Variants in PTPRD observed in about 807,000 individuals in gnomAD.
The protein encoded by PTPRD is receptor-type tyrosine-protein phosphatase delta.
A neutral mutation model predicts 214.5 loss-of-function variants in PTPRD; 34 were observed. The ratio of observed to expected loss-of-function variants is 0.16; its 90% CI spans 0.12 to 0.21. PTPRD has a LOEUF of 0.21. PTPRD is among the 10% of genes least tolerant of loss of function. The probability of loss-of-function intolerance (pLI) is 1.00; values close to 1 mark genes in which losing one functional copy is unlikely to be tolerated. For synonymous variants in PTPRD, 1,128 were observed against 845.7 expected (o/e 1.33, Z -5.79); for missense variants, 2,545 against 2,398.7 (o/e 1.06, Z -1.27).
Position 10,566,919 on chromosome 9 carries a change from T to C in PTPRD, c.-600+45479A>G, listed in dbSNP as rs566694088. ...GTTTATCCAGCACTATTAAAACATT[T>C]CTTTTCATTTTCACATGACTACCTC... On this transcript the variant is annotated intron_variant, in intron 2 of 45. Coordinates refer to ENST00000381196, the MANE Select transcript of PTPRD (RefSeq NM_002839.4). 7.9e-5 allele frequency among the ~76,000 whole-genome samples: 12 copies of C among 152,196 alleles called. No individual in the cohort carries two copies. In the South Asian group the frequency reaches 2.5e-3, roughly 31 times the overall value.
chr9:9,323,860 G>A (rs555128330), intron 9 of PTPRD, among the ~76,000 whole-genome samples: 2 of 152,216 alleles, frequency 1.3e-5, no homozygotes, highest in South Asian at 2.1e-4. Flanking sequence ...CCCCACAACA[G>A]GCCCTGGTGT....
intron 9 of PTPRD, among the ~76,000 whole-genome samples, chr9:9,371,731 C>T (rs991913166): frequency 6.6e-6 from 1 of 152,124 alleles, no homozygotes; most frequent in African/African-American, 2.4e-5. Context: ...ATCTTTCCTG[C>T]TTTCTCTTGT....
chr9:8,484,056 A>C, intron 30 of PTPRD, 63 bp downstream of exon 30: 1 of 1,541,362 alleles, frequency 6.5e-7, no homozygotes, highest in Non-Finnish European at 8.8e-7. Flanking sequence ...TATAATTTTG[A>C]GATATAATGT....
At chr9:9,026,934 C>G (rs1296979651) in intron 10 of PTPRD, among the ~76,000 whole-genome samples, 1 of 151,588 alleles carries the variant, frequency 6.6e-6, no homozygotes, top group Admixed American at 6.6e-5. Flanking sequence ...AGGAATCTCC[C>G]CAGCCAGAGC....
chr9:9,171,663 C>T (rs1257644543), intron 10 of PTPRD, among the ~76,000 whole-genome samples: 3 of 151,788 alleles, frequency 2.0e-5, no homozygotes, highest in Admixed American at 6.6e-5. Flanking sequence ...AGAGAGACTG[C>T]AGGTAGACAT....
chr9:10,396,362 T>A (rs928424404), intron 2 of PTPRD, among the ~76,000 whole-genome samples: 10 of 152,002 alleles, frequency 6.6e-5, no homozygotes, highest in African/African-American at 2.4e-4. Flanking sequence ...GGGAGCTGGC[T>A]TGGCAATAGA....
chr9:9,528,358 T>C (rs534023992), intron 8 of PTPRD, among the ~76,000 whole-genome samples: 2 of 152,274 alleles, frequency 1.3e-5, no homozygotes, highest in East Asian at 1.9e-4. Context: ...GGCCCCATAA[T>C]ACATAGGACC....
intron 5 of PTPRD, among the ~76,000 whole-genome samples, chr9:9,918,744 T>C (rs2081680671): frequency 6.6e-6 from 1 of 152,088 alleles, no homozygotes; most frequent in African/African-American, 2.4e-5. Flanking sequence ...CAGAAATTAA[T>C]CCACGTATCT....
intron 21 of PTPRD, among the ~76,000 whole-genome samples, chr9:8,509,057 G>A (rs987653728): frequency 1.3e-5 from 2 of 151,984 alleles, no homozygotes; most frequent in Non-Finnish European, 2.9e-5. Context: ...TTGATTTGAT[G>A]CCTCTGGGAG....
chr9:8,764,766 G>C (rs1213172979), intron 11 of PTPRD, among the ~76,000 whole-genome samples: 2 of 151,322 alleles, frequency 1.3e-5, no homozygotes, highest in Admixed American at 1.3e-4. Flanking sequence ...TTGCACTCCA[G>C]GATGGGCAAC....
intron 13 of PTPRD, among the ~76,000 whole-genome samples, chr9:8,636,038 T>A (rs555332085): frequency 1.3e-5 from 2 of 152,208 alleles, no homozygotes; most frequent in Non-Finnish European, 2.9e-5. Context: ...TGTTTGCATG[T>A]GTTTCTTTCA....
intron 5 of PTPRD, among the ~76,000 whole-genome samples, chr9:9,847,831 A>C (rs1197431181): frequency 1.3e-5 from 2 of 152,084 alleles, no homozygotes; most frequent in African/African-American, 4.8e-5. Context: ...CTGGGAAATG[A>C]AAGTGCTTTG....
At chr9:10,294,397 A>G (rs1000906007) in intron 3 of PTPRD, among the ~76,000 whole-genome samples, 1 of 151,980 alleles carries the variant, frequency 6.6e-6, no homozygotes, top group African/African-American at 2.4e-5. Context: ...TACAAGCTAA[A>G]GCATAAAAAC....
At chr9:10,187,629 A>G (rs1651338963) in intron 3 of PTPRD, among the ~76,000 whole-genome samples, 1 of 152,228 alleles carries the variant, frequency 6.6e-6, no homozygotes, top group Admixed American at 6.5e-5. Flanking sequence ...TCGCTCTCCA[A>G]TACTGAAACT....
Position 8,713,688 on chromosome 9 carries a change from C to G in PTPRD, c.64+20092G>C, listed in dbSNP as rs551437280. On this transcript the variant is annotated intron_variant, in intron 12 of 45. Transcript: ENST00000381196. ...GCGCCCGGGCCCACTCCATTCAGAT[C>G]ATGATGGTGGAAGAGATCGCGGCCA... The G allele has an allele frequency of 2.5e-5, 38 of 1,513,822 alleles. No individual in the cohort carries two copies. The South Asian group carries it at 4.2e-4, about 17-fold the overall frequency. The allele number at this position is 1,513,822 out of a possible 1,614,324, so 93.8% of individuals were successfully genotyped here. A position where few individuals can be genotyped will look rare whatever the true frequency, so the allele number is the denominator to read the frequency against.
chr9:10,577,777 T>A (rs1334042279), intron 2 of PTPRD, among the ~76,000 whole-genome samples: 2 of 152,070 alleles, frequency 1.3e-5, no homozygotes, highest in African/African-American at 4.8e-5. Context: ...CTTACACACA[T>A]AAAACACATA....
chr9:10,031,647 T>TACACACACACACACAC lies in PTPRD; in HGVS notation c.-472+2055_-472+2070dup, dbSNP rs1555494944. 3.9e-3 allele frequency among the ~76,000 whole-genome samples: 343 copies of TACACACACACACACAC among 88,786 alleles called. 4 individuals carry two copies. Among genetic ancestry groups the TACACACACACACACAC allele is most frequent in the East Asian group, 5.7e-3 (12 of 2,114 alleles). 58.2% of individuals were successfully genotyped at this position (88,786 alleles called of 152,430 possible). On this transcript the variant is annotated intron_variant, in intron 4 of 45. Transcript: ENST00000381196. ...CTCCATATATATATATATATATATATACACACACACACACACACATACACA... is the reference window on the plus strand; with the variant it reads ...CTCCATATATATATATATATATATATACACACACACACACACACACACACACACACACACATACACA...
chr9:8,753,488 T>G (rs1444061493), intron 11 of PTPRD, among the ~76,000 whole-genome samples: 1 of 152,220 alleles, frequency 6.6e-6, no homozygotes, highest in Non-Finnish European at 1.5e-5. Context: ...TTTTGAACAA[T>G]CTGTCTGTGC....
intron 8 of PTPRD, among the ~76,000 whole-genome samples, chr9:9,450,584 C>G (rs1588770232): frequency 6.6e-6 from 1 of 151,802 alleles, no homozygotes; most frequent in Non-Finnish European, 1.5e-5. Flanking sequence ...TATGTAAATT[C>G]TTATCATAGA....
Sources: allele counts gnomAD v4.1 joint callset (sites outside exome capture counted in the v4.1 genomes callset), GRCh38; gene constraint gnomAD v4.1.1; transcripts MANE v1.5; gene names NCBI Gene and HGNC (gene_info 2026-07-23, HGNC 2026-07-21).